Variants in CLNK observed in about 807,000 individuals in gnomAD.
The protein encoded by CLNK is cytokine dependent hematopoietic cell linker.
Under a neutral mutation model 68.6 loss-of-function variants are expected in CLNK, and 74 were observed. The observed-to-expected ratio is 1.08, with a 90% CI of 0.89 to 1.31. CLNK has a LOEUF of 1.31. CLNK is among the 50% of genes most tolerant of loss of function. The pLI, the probability that CLNK is intolerant of heterozygous loss-of-function variation, is 0.00. For missense variants in CLNK, 553 were observed against 515.3 expected (o/e 1.07, Z -0.71); for synonymous variants, 198 against 172.2 (o/e 1.15, Z -1.17).
the CLNK span, among the ~76,000 whole-genome samples, chr4:10,702,589 G>A: frequency 6.6e-6 from 1 of 152,204 alleles, no homozygotes; most frequent in Admixed American, 6.5e-5. Context: ...ATAGAATAGT[G>A]ACATGTATAT....
At chr4:10,643,587 A>T (rs963115462) in intron 2 of CLNK, among the ~76,000 whole-genome samples, 1 of 152,258 alleles carries the variant, frequency 6.6e-6, no homozygotes, top group South Asian at 2.1e-4. Flanking sequence ...GCTCAGGCGC[A>T]TAATAACAGA....
At chr4:10,509,143 C>G (rs576961001) in intron 16 of CLNK, among the ~76,000 whole-genome samples, 1 of 150,336 alleles carries the variant, frequency 6.7e-6, no homozygotes, top group East Asian at 2.0e-4. Context: ...AAACCTGTCA[C>G]ATGGTTGGCA....
At chr4:10,719,332 T>C in the CLNK span, among the ~76,000 whole-genome samples, 3 of 151,940 alleles carry the variant, frequency 2.0e-5, no homozygotes, top group Non-Finnish European at 4.4e-5. Context: ...ATACAGGCAG[T>C]TTGAGAGTAA....
chr4:10,515,368 T>A (rs1306697384), intron 15 of CLNK, among the ~76,000 whole-genome samples: 2 of 152,192 alleles, frequency 1.3e-5, no homozygotes, highest in African/African-American at 4.8e-5. Flanking sequence ...TCTCTCCCAA[T>A]TGTCTACTCT....
chr4:10,707,153 G>T, the CLNK span, among the ~76,000 whole-genome samples: 1 of 152,210 alleles, frequency 6.6e-6, no homozygotes, highest in South Asian at 2.1e-4. Context: ...CAATCTTTTG[G>T]CTTCCCTGGG....
chr4:10,535,259 G>GAAAGAA (rs1553847897), intron 11 of CLNK, among the ~76,000 whole-genome samples: 2 of 137,664 alleles, frequency 1.5e-5, no homozygotes, highest in Non-Finnish European at 3.2e-5. Context: ...AAGAAAGAAA[G>GAAAGAA]AAAGAAAAAA....
intron 1 of CLNK, among the ~76,000 whole-genome samples, chr4:10,683,587 C>G (rs138579813): frequency 6.6e-6 from 1 of 152,184 alleles, no homozygotes; most frequent in Non-Finnish European, 1.5e-5. Flanking sequence ...AAGTTCTTCA[C>G]CTGTAAACCA....
chr4:10,642,111 T>C (rs1469865784), intron 2 of CLNK, among the ~76,000 whole-genome samples: 1 of 152,208 alleles, frequency 6.6e-6, no homozygotes, highest in Non-Finnish European at 1.5e-5. Flanking sequence ...AGAAACAAAC[T>C]GTGTAAGTCA....
chr4:10,490,338 A>G lies in CLNK; in HGVS notation c.*129T>C. 1 of 914,754 alleles carries G rather than the reference A, an allele frequency of 1.1e-6. No individual in the cohort carries two copies. The highest frequency in any genetic ancestry group is 2.7e-5 in the East Asian group (1 of 37,476). 56.7% of individuals were successfully genotyped at this position (914,754 alleles called of 1,614,324 possible). A position where few individuals can be genotyped will look rare whatever the true frequency, so the allele number is the denominator to read the frequency against. ...CGTGAGTGATTTTCCACTCTCTGTT[A>G]TAGAGTGTTTTTCTTTTCTCCAAAG... On this transcript the variant is annotated 3_prime_UTR_variant, in exon 19 of 19. Transcript: ENST00000226951.
the CLNK span, among the ~76,000 whole-genome samples, chr4:10,711,408 C>A: frequency 1.3e-5 from 2 of 152,192 alleles, no homozygotes. Flanking sequence ...AGAACATTCT[C>A]TTCCAAGAAT....
intron 1 of CLNK, among the ~76,000 whole-genome samples, chr4:10,682,713 T>C (rs1047944869): frequency 1.3e-5 from 2 of 152,210 alleles, no homozygotes; most frequent in African/African-American, 4.8e-5. Context: ...CATTTCACCA[T>C]GTTGTCCTTC....
At chr4:10,606,969 T>A (rs899103845) in intron 2 of CLNK, among the ~76,000 whole-genome samples, 3 of 152,320 alleles carry the variant, frequency 2.0e-5, no homozygotes. Context: ...GATTTAATCG[T>A]CACAACTTCT....
chr4:10,496,504 C>T (rs1275060227), intron 18 of CLNK, among the ~76,000 whole-genome samples: 2 of 152,190 alleles, frequency 1.3e-5, no homozygotes, highest in Non-Finnish European at 2.9e-5. Context: ...CAGGAAGAAC[C>T]ACCTGTGAAT....
chr4:10,693,476 A>T, the CLNK span, among the ~76,000 whole-genome samples: 96 of 152,350 alleles, frequency 6.3e-4, no homozygotes, highest in African/African-American at 2.3e-3. Flanking sequence ...TATTGGAGGT[A>T]TGTGGCCACA....
chr4:10,676,642 T>A (rs1457532171), intron 1 of CLNK, among the ~76,000 whole-genome samples: 1 of 152,102 alleles, frequency 6.6e-6, no homozygotes, highest in Non-Finnish European at 1.5e-5. Flanking sequence ...AACCATTTCC[T>A]TTTTTCTCTT....
At chr4:10,689,744 C>CCTTTTT (rs1560280654), upstream of CLNK, among the ~76,000 whole-genome samples, 1 of 26,924 alleles carries the variant, frequency 3.7e-5, no homozygotes, top group Non-Finnish European at 1.0e-4. Flanking sequence ...AAAACCCATG[C>CCTTTTT]ATTTTTTTTT....
At chr4:10,569,382 C>T (rs1247892649) in intron 5 of CLNK, among the ~76,000 whole-genome samples, 1 of 152,072 alleles carries the variant, frequency 6.6e-6, no homozygotes, top group East Asian at 1.9e-4. Context: ...CCCCACCCGT[C>T]CCCAAATGCA....
intron 2 of CLNK, among the ~76,000 whole-genome samples, chr4:10,654,361 TATAG>T (rs1414164738): frequency 4.5e-5 from 5 of 110,490 alleles, no homozygotes; most frequent in Non-Finnish European, 1.1e-4. Context: ...TGATTAAATA[TATAG>T]ATAAATATAT....
rs368427030 is a variant in CLNK, at chr4:10,629,259, G to A, written c.12-31210C>T. Reference sequence around the variant, plus strand: ...TCTGCCTTTCGTGAGTTGATTTATCGTGAAACTTCAGAGGATGAAGGAGAA... The same window carrying A: ...TCTGCCTTTCGTGAGTTGATTTATCATGAAACTTCAGAGGATGAAGGAGAA... On this transcript the variant is annotated intron_variant, in intron 2 of 18. Transcript: ENST00000226951. Among the ~76,000 whole-genome samples, 26 of 152,278 alleles carry A rather than the reference G, an allele frequency of 1.7e-4. No individual in the cohort carries two copies. In the South Asian group the frequency reaches 1.9e-3, roughly 11 times the overall value.
Sources: allele counts gnomAD v4.1 joint callset (sites outside exome capture counted in the v4.1 genomes callset), GRCh38; gene constraint gnomAD v4.1.1; transcripts MANE v1.5; gene names NCBI Gene and HGNC (gene_info 2026-07-23, HGNC 2026-07-21).